SCML4: variants seen among roughly 807,000 people sequenced by gnomAD.
The protein encoded by SCML4 is sex comb on midleg-like protein 4.
SCML4 carries 34 observed loss-of-function variants against 41.1 expected under a neutral mutation model. The ratio of observed to expected loss-of-function variants is 0.83; its 90% confidence interval spans 0.63 to 1.10. The LOEUF is 1.10. Among genes scored for constraint, SCML4 ranks in the 50% least tolerant of loss-of-function variants. The pLI is 0.00. For missense variants in SCML4, 522 were observed against 534.1 expected (o/e 0.98, Z 0.22); for synonymous variants, 214 against 220.9 (o/e 0.97, Z 0.28).
At position 107,702,454 on chromosome 6, in the gene SCML4, T is replaced by C. The variant is rs558556438; in HGVS notation, c.*2746A>G. Among the ~76,000 whole-genome samples, 2 of 152,224 alleles carry C rather than the reference T, an allele frequency of 1.3e-5. No individual in the cohort carries two copies. Among genetic ancestry groups the C allele is most frequent in the South Asian group, 4.1e-4 (2 of 4,830 alleles). On this transcript the variant is annotated 3_prime_UTR_variant, in exon 8 of 8. Coordinates refer to ENST00000369020, the MANE Select transcript of SCML4 (RefSeq NM_198081.5). ...TGAAGGAGGCACTGATGAGGGTGGG[T>C]AGGAAGTTTTGAAAACTTGATACTG...
At chr6:107,711,208 G>T (rs1409335857) in intron 6 of SCML4, among the ~76,000 whole-genome samples, 1 of 152,056 alleles carries the variant, frequency 6.6e-6, no homozygotes, top group East Asian at 1.9e-4. Context: ...AACAAACATT[G>T]ATTGAGCACC....
chr6:107,746,556 C>A, intron 4 of SCML4, 133 bp downstream of exon 4: 1 of 733,116 alleles, frequency 1.4e-6, no homozygotes, highest in East Asian at 2.6e-5. Context: ...CTCACAGGCT[C>A]ATAAAGACCC....
At chr6:107,829,724 G>A in the SCML4 span, among the ~76,000 whole-genome samples, 1 of 152,018 alleles carries the variant, frequency 6.6e-6, no homozygotes, top group Admixed American at 6.6e-5. Context: ...TGCACGTTCT[G>A]CACATGTATC....
At chr6:107,705,366 G>A (rs1773504622) in intron 7 of SCML4, 41 bp from the exon 8 acceptor site, 5 of 1,544,998 alleles carry the variant, frequency 3.2e-6, no homozygotes, top group Non-Finnish European at 4.4e-6. Context: ...CCCAGAAGAT[G>A]GTCAGAGTCA....
intron 5 of SCML4, among the ~76,000 whole-genome samples, chr6:107,738,000 T>C (rs1214557733): frequency 6.6e-6 from 1 of 152,196 alleles, no homozygotes; most frequent in Non-Finnish European, 1.5e-5. Flanking sequence ...TTTAGCAACA[T>C]ACTCAGGTGG....
chr6:107,733,347 T>A (rs2114456330), intron 5 of SCML4, among the ~76,000 whole-genome samples: 2 of 152,350 alleles, frequency 1.3e-5, no homozygotes, highest in Middle Eastern at 6.8e-3. Context: ...CTAGGATAGA[T>A]CTGGTACAGA....
intron 2 of SCML4, among the ~76,000 whole-genome samples, chr6:107,756,534 T>C (rs1012899027): frequency 3.3e-5 from 5 of 152,204 alleles, no homozygotes; most frequent in African/African-American, 7.2e-5. Flanking sequence ...AACTAAATGT[T>C]ATGTAGTATC....
At chr6:107,747,325 A>G (rs780847487) in intron 3 of SCML4, among the ~76,000 whole-genome samples, 9 of 152,206 alleles carry the variant, frequency 5.9e-5, no homozygotes, top group African/African-American at 9.7e-5. Flanking sequence ...AAAAATCAAG[A>G]TGCCACTATC....
At chr6:107,750,006 A>T (rs1778481661) in intron 2 of SCML4, among the ~76,000 whole-genome samples, 193 bp from the exon 3 acceptor site, 1 of 150,984 alleles carries the variant, frequency 6.6e-6, no homozygotes, top group Admixed American at 6.6e-5. Context: ...CACTCAGATC[A>T]CCTCTCATTC....
At chr6:107,808,711 C>T (rs9486721) in intron 1 of SCML4, among the ~76,000 whole-genome samples, 2,979 of 152,100 alleles carry the variant, frequency 0.02, 100 homozygotes, top group African/African-American at 0.067. Flanking sequence ...GCTCATGTGG[C>T]CTTTTTCATT....
At chr6:107,836,717 C>T in the SCML4 span, among the ~76,000 whole-genome samples, 1 of 151,958 alleles carries the variant, frequency 6.6e-6, no homozygotes, top group Non-Finnish European at 1.5e-5. Flanking sequence ...TCATATAAAC[C>T]AAAACATAAT....
intron 7 of SCML4, 84 bp from the exon 8 acceptor site, chr6:107,705,409 G>T: frequency 1.5e-6 from 2 of 1,324,510 alleles, no homozygotes; most frequent in Non-Finnish European, 2.1e-6. Flanking sequence ...GTGTGGTCAA[G>T]GGGTGTGCTC....
At chr6:107,800,204 C>T (rs578067879) in intron 1 of SCML4, among the ~76,000 whole-genome samples, 1 of 152,252 alleles carries the variant, frequency 6.6e-6, no homozygotes, top group South Asian at 2.1e-4. Flanking sequence ...GTAACATTTT[C>T]CGCCTTCTTT....
chr6:107,754,965 G>T (rs117987037), intron 2 of SCML4, among the ~76,000 whole-genome samples: 1 of 152,068 alleles, frequency 6.6e-6, no homozygotes, highest in African/African-American at 2.4e-5. Flanking sequence ...TTAGCCAGGC[G>T]TGGTGGCATA....
At chr6:107,829,312 G>C (rs527446777), upstream of SCML4, among the ~76,000 whole-genome samples, 103 of 152,216 alleles carry the variant, frequency 6.8e-4, 1 homozygote, top group South Asian at 0.02. Flanking sequence ...CTTGAGCAGT[G>C]GGGAGGGCGA....
chr6:107,843,832 G>A, the SCML4 span, among the ~76,000 whole-genome samples: 1 of 152,180 alleles, frequency 6.6e-6, no homozygotes, highest in Non-Finnish European at 1.5e-5. Context: ...GAATTAGGGA[G>A]ACCCTAATAA....
intron 5 of SCML4, among the ~76,000 whole-genome samples, chr6:107,742,888 T>G (rs1287405243): frequency 6.6e-6 from 1 of 152,116 alleles, no homozygotes; most frequent in Non-Finnish European, 1.5e-5. Flanking sequence ...CACAACACTC[T>G]AATACTGTAA....
intron 2 of SCML4, among the ~76,000 whole-genome samples, chr6:107,759,791 A>C (rs538335738): frequency 6.6e-6 from 1 of 152,136 alleles, no homozygotes; most frequent in Non-Finnish European, 1.5e-5. Flanking sequence ...TCTGTGCAGA[A>C]CTTTGGGAGA....
intron 1 of SCML4, among the ~76,000 whole-genome samples, chr6:107,787,641 C>T (rs1782005068): frequency 2.6e-5 from 4 of 152,166 alleles, no homozygotes; most frequent in Admixed American, 2.6e-4. Context: ...AACAGTATAG[C>T]TAGATTCCTT....
Sources: gnomAD v4.1 joint callset for allele counts (sites outside exome capture counted in the v4.1 genomes callset) on GRCh38, gnomAD v4.1.1 for gene constraint, MANE v1.5 for transcripts, NCBI Gene and HGNC (gene_info 2026-07-23, HGNC 2026-07-21) for gene names.